ERAP1: variants seen among roughly 807,000 people sequenced by gnomAD.
ERAP1 encodes the protein endoplasmic reticulum aminopeptidase 1, also known as adipocyte-derived leucine aminopeptidase.
Under a neutral mutation model 103.7 loss-of-function variants are expected in ERAP1, and 86 were observed. That is an observed-to-expected ratio of 0.83 (90% CI 0.70 to 0.99). The LOEUF (loss-of-function observed/expected upper bound fraction) is 0.99, where lower values mean the gene tolerates loss of function less well. Among genes scored for constraint, ERAP1 ranks in the 50% least tolerant of loss-of-function variants. ERAP1 has a pLI of 0.00. For missense variants in ERAP1, 1,009 were observed against 1,128.4 expected (o/e 0.89, Z 1.52); for synonymous variants, 398 against 402.4 (o/e 0.99, Z 0.13).
the ERAP1 span, chr5:96,889,547 C>T: frequency 4.4e-6 from 3 of 689,282 alleles, no homozygotes; most frequent in South Asian, 1.7e-5. Flanking sequence ...ATATCTGCAT[C>T]GAACTCTTTC....
chr5:96,922,753 G>A, the ERAP1 span, among the ~76,000 whole-genome samples: 2 of 152,350 alleles, frequency 1.3e-5, no homozygotes, highest in Middle Eastern at 3.4e-3. Context: ...TGAATAAGTT[G>A]TTAGTGAAAG....
the ERAP1 span, among the ~76,000 whole-genome samples, chr5:96,893,818 A>T: frequency 6.6e-6 from 1 of 152,158 alleles, no homozygotes; most frequent in African/African-American, 2.4e-5. Flanking sequence ...CCCATGACCC[A>T]GCTCCTTTTT....
the ERAP1 span, among the ~76,000 whole-genome samples, chr5:96,842,506 T>C: frequency 1.3e-5 from 2 of 152,244 alleles, no homozygotes; most frequent in African/African-American, 4.8e-5. Flanking sequence ...TGGTATTGCA[T>C]TGTGGTTTTG....
At chr5:96,832,434 G>A in the ERAP1 span, among the ~76,000 whole-genome samples, 1 of 152,156 alleles carries the variant, frequency 6.6e-6, no homozygotes, top group African/African-American at 2.4e-5. Flanking sequence ...GGAAAGTCTT[G>A]ATTAAATTGA....
the ERAP1 span, chr5:96,884,062 CTATCTATCT>C: frequency 1.5e-6 from 1 of 649,666 alleles, no homozygotes; most frequent in African/African-American, 1.9e-5. Flanking sequence ...ATCTATCTAT[CTATCTATCT>C]ATCTATCTAT....
intron 19 of ERAP1, chr5:96,767,962 G>A: frequency 1.2e-6 from 2 of 1,613,604 alleles, no homozygotes; most frequent in African/African-American, 1.3e-5. Context: ...CTGGACAGCT[G>A]TCCCTCCACT....
chr5:96,852,217 G>C, the ERAP1 span, among the ~76,000 whole-genome samples: 1 of 152,106 alleles, frequency 6.6e-6, no homozygotes. Flanking sequence ...TATATACTCA[G>C]GATCATGAAA....
chr5:96,807,010 G>T (rs964118214), intron 1 of ERAP1, among the ~76,000 whole-genome samples: 1 of 152,018 alleles, frequency 6.6e-6, no homozygotes, highest in African/African-American at 2.4e-5. Context: ...TGTTGACCAC[G>T]TCCTGAGTTC....
chr5:96,858,085 G>A, the ERAP1 span, among the ~76,000 whole-genome samples: 10 of 152,316 alleles, frequency 6.6e-5, no homozygotes, highest in East Asian at 1.9e-4. Flanking sequence ...AGGCTGAACC[G>A]TGGATTCTAC....
At chr5:96,841,905 G>T in the ERAP1 span, among the ~76,000 whole-genome samples, 1 of 151,930 alleles carries the variant, frequency 6.6e-6, no homozygotes, top group Admixed American at 6.6e-5. Context: ...AGTGTACAGT[G>T]TACCCAGTGT....
chr5:96,790,172 A>T lies in ERAP1; in HGVS notation c.1524+124T>A, dbSNP rs143961863. On this transcript the variant is annotated intron_variant, in intron 10 of 18. Transcript: ENST00000443439. ...TATGAGTATGGAATAGTTTAAATGCAGTCTTATCTGGAATGAGGGTGATAT... is the reference window on the plus strand; with the variant it reads ...TATGAGTATGGAATAGTTTAAATGCTGTCTTATCTGGAATGAGGGTGATAT... 2.1e-4 allele frequency: 175 copies of T among 819,980 alleles called. 2 individuals carry two copies. In the African/African-American group the frequency reaches 2.7e-3, roughly 13 times the overall value. 50.8% of individuals were successfully genotyped at this position (819,980 alleles called of 1,614,324 possible). A position where few individuals can be genotyped will look rare whatever the true frequency, so the allele number is the denominator to read the frequency against.
the ERAP1 span, among the ~76,000 whole-genome samples, chr5:96,887,123 A>T: frequency 2.0e-5 from 3 of 148,968 alleles, no homozygotes; most frequent in African/African-American, 4.9e-5. Context: ...ACACACACAC[A>T]CACATACATA....
chr5:96,891,540 ACAC>A, the ERAP1 span, among the ~76,000 whole-genome samples: 1 of 92,840 alleles, frequency 1.1e-5, no homozygotes. Context: ...ATATATACAC[ACAC>A]ACACACACAC....
At chr5:96,800,072 A>G (rs1034754117) in intron 3 of ERAP1, among the ~76,000 whole-genome samples, 1 of 152,222 alleles carries the variant, frequency 6.6e-6, no homozygotes, top group African/African-American at 2.4e-5. Flanking sequence ...GGCAAAGCCT[A>G]TTCTACTCTG....
the ERAP1 span, among the ~76,000 whole-genome samples, chr5:96,826,363 G>C: frequency 2.6e-5 from 4 of 152,270 alleles, no homozygotes; most frequent in African/African-American, 9.6e-5. Flanking sequence ...TTTGGGCAGA[G>C]AGAATTTCTG....
upstream of ERAP1, among the ~76,000 whole-genome samples, chr5:96,808,845 C>T (rs1183548688): frequency 2.0e-5 from 3 of 152,140 alleles, no homozygotes; most frequent in Admixed American, 6.5e-5. Context: ...GGGTCCCGAT[C>T]CAGACCCCAA....
the ERAP1 span, among the ~76,000 whole-genome samples, chr5:96,817,426 A>G: frequency 6.6e-6 from 1 of 152,244 alleles, no homozygotes; most frequent in Non-Finnish European, 1.5e-5. Context: ...TATCCATGCA[A>G]TTATAAATAA....
the ERAP1 span, among the ~76,000 whole-genome samples, chr5:96,906,731 C>T: frequency 9.2e-3 from 1,406 of 152,258 alleles, 24 homozygotes; most frequent in African/African-American, 0.032. Context: ...TAGTCCCACA[C>T]CTTAAAGAGA....
the ERAP1 span, among the ~76,000 whole-genome samples, chr5:96,923,770 A>G: frequency 6.6e-6 from 1 of 152,098 alleles, no homozygotes; most frequent in African/African-American, 2.4e-5. Flanking sequence ...TTATAATTTC[A>G]CCATTATAGA....
Sources: allele counts gnomAD v4.1 joint callset (sites outside exome capture counted in the v4.1 genomes callset), GRCh38; gene constraint gnomAD v4.1.1; transcripts MANE v1.5; gene names NCBI Gene and HGNC (gene_info 2026-07-23, HGNC 2026-07-21).